NBAS: variants seen among roughly 807,000 people sequenced by gnomAD.
NBAS encodes NAG/BC035112 fusion.
NBAS carries 219 observed loss-of-function variants against 302.5 expected under a neutral mutation model. That is an observed-to-expected ratio of 0.72 (90% CI 0.65 to 0.81). NBAS has a LOEUF of 0.81. NBAS is among the 30% of genes least tolerant of loss of function. The probability of loss-of-function intolerance (pLI) is 0.00; values close to 1 mark genes in which losing one functional copy is unlikely to be tolerated. For missense variants in NBAS, 2,932 were observed against 2,841.6 expected, an observed-to-expected ratio of 1.03 and a Z score of -0.72; for synonymous variants, 1,118 against 1,021.6, an observed-to-expected ratio of 1.09 and a Z score of -1.80.
At chr2:14,823,270 AT>A in the NBAS span, among the ~76,000 whole-genome samples, 1 of 152,208 alleles carries the variant, frequency 6.6e-6, no homozygotes, top group East Asian at 1.9e-4. Flanking sequence ...TCTCTGAAGC[AT>A]TTTAAACATT....
the NBAS span, among the ~76,000 whole-genome samples, chr2:15,043,405 T>C: frequency 6.6e-6 from 1 of 152,246 alleles, no homozygotes; most frequent in Admixed American, 6.5e-5. Context: ...TCATAGGAAA[T>C]TTCTAACAGT....
the NBAS span, among the ~76,000 whole-genome samples, chr2:14,800,729 C>CAT: frequency 6.6e-6 from 1 of 150,894 alleles, no homozygotes; most frequent in Non-Finnish European, 1.5e-5. Flanking sequence ...TTATAAAGTC[C>CAT]ATAGTACATT....
chr2:15,369,523 C>T lies in NBAS; in HGVS notation c.3704-2830G>A, dbSNP rs116781737. On this transcript the variant is annotated intron_variant, in intron 31 of 51. Transcript: ENST00000281513. ...AATGACTTTTTACTTTATTTACTTA[C>T]GTATTTTCTGATCCTCTGGACAATC... is the stretch of plus-strand genomic sequence containing the variant. Among the ~76,000 whole-genome samples, 559 of 152,272 alleles carry T rather than the reference C, an allele frequency of 3.7e-3. 3 individuals are homozygous for T. Among genetic ancestry groups the T allele is most frequent in the Admixed American group, 4.2e-3 (65 of 15,302 alleles).
intron 51 of NBAS, among the ~76,000 whole-genome samples, chr2:15,169,235 C>A (rs1228392533): frequency 1.3e-5 from 2 of 152,156 alleles, no homozygotes; most frequent in African/African-American, 4.8e-5. Context: ...TTGACCCCAC[C>A]TTTGACCCAA....
At chr2:15,474,000 A>G in intron 15 of NBAS, 67 bp downstream of exon 15, 3 of 1,592,038 alleles carry the variant, frequency 1.9e-6, no homozygotes, top group Non-Finnish European at 1.7e-6. Context: ...TTAAAAAATT[A>G]ACTTTTTCTC....
chr2:15,468,489 T>C lies in NBAS; in HGVS notation c.1770A>G (p.Glu590=). Residue 590 remains glutamate (E), a synonymous_variant, in exon 17 of 52, where the codon GAA becomes GAG. Transcript: ENST00000281513. ...CAGCATCCACATTTTCAGGAACTCT[T>C]TCCAAACACTCATGGAGAACCCAGG... The part of the protein sequence containing the change: ...KRSWVLHECL[E]RVPENVDAAK... The C allele has an allele frequency of 2.5e-6, 4 of 1,614,100 alleles. No individual in the cohort carries two copies. Among genetic ancestry groups the C allele is most frequent in the Non-Finnish European group, 3.4e-6 (4 of 1,179,970 alleles).
chr2:15,142,886 A>G, the NBAS span, among the ~76,000 whole-genome samples: 2 of 152,206 alleles, frequency 1.3e-5, no homozygotes, highest in Admixed American at 1.3e-4. Context: ...GTTAAAAGAA[A>G]CATCCCTCCG....
At chr2:15,234,422 T>A in intron 46 of NBAS, 123 bp downstream of exon 46, 1 of 963,278 alleles carries the variant, frequency 1.0e-6, no homozygotes, top group South Asian at 1.4e-5. Flanking sequence ...CTAAAAATAA[T>A]CTCTCACTTT....
intron 40 of NBAS, among the ~76,000 whole-genome samples, chr2:15,305,460 T>C (rs1383376220): frequency 6.6e-6 from 1 of 151,272 alleles, no homozygotes; most frequent in Admixed American, 6.6e-5. Flanking sequence ...TTTTTTTTTT[T>C]TTTTTTTTTT....
chr2:15,561,054 G>A, intron 1 of NBAS, 134 bp downstream of exon 1: 1 of 373,542 alleles, frequency 2.7e-6, no homozygotes, highest in Non-Finnish European at 5.1e-6. Context: ...CCGTTGCCAA[G>A]GCGACCGCAC....
At position 15,379,713 on chromosome 2, in the gene NBAS, T is replaced by G. The variant is rs201949003; in HGVS notation, c.3479A>C (p.Lys1160Thr). Residue 1160 changes from lysine (K) to threonine (T), a missense_variant, in exon 30 of 52, where the codon AAA becomes ACA. Physicochemically the swap from Lys to Thr is moderately conservative, Grantham distance 78. Coordinates refer to ENST00000281513, the MANE Select transcript of NBAS (RefSeq NM_015909.4). ...NPPAGIAHKGKPHYRVSYEKS... is the reference protein window; with the variant it reads ...NPPAGIAHKGTPHYRVSYEKS... Reference sequence around the variant, plus strand: ...TTCGTAGCTGACCCTGTAGTGGGGTTTCCCTTTATGGGCTATACCAGCTGG... The same window carrying G: ...TTCGTAGCTGACCCTGTAGTGGGGTGTCCCTTTATGGGCTATACCAGCTGG... The G allele has an allele frequency of 6.2e-7, 1 of 1,614,070 alleles. No individual in the cohort carries two copies.
At chr2:15,077,791 C>A in the NBAS span, among the ~76,000 whole-genome samples, 75 of 151,726 alleles carry the variant, frequency 4.9e-4, no homozygotes, top group African/African-American at 1.7e-3. Context: ...TCAAGTGATT[C>A]TCCTGCCTCA....
At chr2:15,017,484 T>G in the NBAS span, among the ~76,000 whole-genome samples, 1 of 149,296 alleles carries the variant, frequency 6.7e-6, no homozygotes. Flanking sequence ...AAATTTCAAA[T>G]AAAAATCAGC....
the NBAS span, among the ~76,000 whole-genome samples, chr2:15,159,067 A>AC: frequency 6.6e-6 from 1 of 152,150 alleles, no homozygotes; most frequent in East Asian, 1.9e-4. Flanking sequence ...GGAATCTTCC[A>AC]CCCCTTTGCT....
the NBAS span, among the ~76,000 whole-genome samples, chr2:15,105,866 C>A: frequency 6.6e-6 from 1 of 152,070 alleles, no homozygotes; most frequent in Admixed American, 6.6e-5. Context: ...GTCCAAGGCA[C>A]GCACGCAGAG....
intron 31 of NBAS, among the ~76,000 whole-genome samples, chr2:15,367,910 A>G (rs1351138528): frequency 6.6e-6 from 1 of 152,154 alleles, no homozygotes; most frequent in Non-Finnish European, 1.5e-5. Context: ...GCCTTCACAC[A>G]TGTCCATGTG....
At chr2:15,001,292 T>C in the NBAS span, among the ~76,000 whole-genome samples, 1 of 152,172 alleles carries the variant, frequency 6.6e-6, no homozygotes, top group African/African-American at 2.4e-5. Context: ...GTATGTTATA[T>C]ACATGTATAT....
chr2:15,134,321 C>T, the NBAS span, among the ~76,000 whole-genome samples: 2 of 152,220 alleles, frequency 1.3e-5, no homozygotes, highest in Non-Finnish European at 2.9e-5. Context: ...AAGGCTCTCA[C>T]AGCACACAAA....
chr2:15,169,372 C>T (rs904568205), intron 51 of NBAS, among the ~76,000 whole-genome samples: 1 of 152,220 alleles, frequency 6.6e-6, no homozygotes, highest in Non-Finnish European at 1.5e-5. Context: ...GACTTCTCCT[C>T]GCTGGGGCTG....
Sources: allele counts gnomAD v4.1 joint callset (sites outside exome capture counted in the v4.1 genomes callset), GRCh38; gene constraint gnomAD v4.1.1; transcripts MANE v1.5; gene names NCBI Gene and HGNC (gene_info 2026-07-23, HGNC 2026-07-21).